Variants in TPO observed in about 807,000 individuals in gnomAD.
The protein encoded by TPO is thyroid microsomal antigen.
A neutral mutation model predicts 96.9 loss-of-function variants in TPO; 78 were observed. The ratio of observed to expected loss-of-function variants is 0.81; its 90% CI spans 0.67 to 0.97. The LOEUF (loss-of-function observed/expected upper bound fraction) is 0.97. TPO is among the 50% of genes least tolerant of loss of function. The pLI, the probability that TPO is intolerant of heterozygous loss-of-function variation, is 0.00. For synonymous variants in TPO, 547 were observed against 538.0 expected, an observed-to-expected ratio of 1.02 and a Z score of -0.23; for missense variants, 1,252 against 1,274.8, an observed-to-expected ratio of 0.98 and a Z score of 0.27.
intron 1 of TPO, among the ~76,000 whole-genome samples, chr2:1,405,267 TTA>T (rs1662232966): frequency 6.7e-6 from 1 of 149,412 alleles, no homozygotes; most frequent in Non-Finnish European, 1.5e-5. Context: ...CACCCACCCA[TTA>T]ATCACTCACA....
chr2:1,537,527 G>C (rs1358598675), intron 15 of TPO, among the ~76,000 whole-genome samples: 388 of 15,056 alleles, frequency 0.026, 2 homozygotes, highest in African/African-American at 0.029. Flanking sequence ...TGCAACCTCC[G>C]CCTATCCCCC....
chr2:1,479,204 AG>A (rs1670302766), intron 8 of TPO, among the ~76,000 whole-genome samples: 1 of 152,220 alleles, frequency 6.6e-6, no homozygotes, highest in Admixed American at 6.5e-5. Context: ...GTGGGGAGGC[AG>A]GTCCCAGACG....
intron 1 of TPO, among the ~76,000 whole-genome samples, chr2:1,391,400 C>T (rs549523303): frequency 6.6e-6 from 1 of 152,282 alleles, no homozygotes; most frequent in South Asian, 2.1e-4. Flanking sequence ...AAGTACCATG[C>T]TGTTTTGGTT....
At chr2:1,457,814 G>T (rs555882867) in intron 7 of TPO, among the ~76,000 whole-genome samples, 47 of 152,206 alleles carry the variant, frequency 3.1e-4, no homozygotes, top group African/African-American at 1.1e-3. Flanking sequence ...GTATGATATT[G>T]TGTGGTCGTG....
At chr2:1,537,146 C>CA (rs1679919652) in intron 15 of TPO, among the ~76,000 whole-genome samples, 1 of 120,388 alleles carries the variant, frequency 8.3e-6, no homozygotes. Flanking sequence ...CGCAAATACC[C>CA]CCACTCTGTG....
chr2:1,477,476 A>G lies in TPO; in HGVS notation c.1210A>G (p.Thr404Ala), dbSNP rs1327302975. 1 of 1,529,086 alleles carries G rather than the reference A, an allele frequency of 6.5e-7. No homozygotes were observed. Among genetic ancestry groups the G allele is most frequent in the Non-Finnish European group, 8.7e-7 (1 of 1,143,484 alleles). The allele number at this position is 1,529,086 out of a possible 1,614,324, so 94.7% of individuals were successfully genotyped here. ...DGRASEVPSL[T>A]ALHTLWLREH... ...CCGCGCCAGCGAGGTCCCCTCCCTG[A>G]CGGCACTGCACACGCTGTGGCTGCG... Residue 404 changes from threonine to alanine, a missense_variant, in exon 8 of 17, where the codon ACG becomes GCG. Thr to Ala is a moderately conservative substitution (Grantham distance 58). Transcript: ENST00000329066.
chr2:1,472,748 G>T, intron 7 of TPO, among the ~76,000 whole-genome samples: 1 of 138,542 alleles, frequency 7.2e-6, no homozygotes, highest in Admixed American at 8.0e-5. Flanking sequence ...CAACGACTGA[G>T]TGTACCCCTT....
chr2:1,432,273 A>G (rs1337120374), intron 3 of TPO, among the ~76,000 whole-genome samples: 6 of 152,268 alleles, frequency 3.9e-5, no homozygotes, highest in Non-Finnish European at 7.3e-5. Flanking sequence ...TCCATTCTGC[A>G]GGTGCCTGGA....
At chr2:1,437,658 C>A (rs73170218) in intron 5 of TPO, among the ~76,000 whole-genome samples, 3,743 of 152,314 alleles carry the variant, frequency 0.025, 160 homozygotes, top group African/African-American at 0.084. Flanking sequence ...TGTTTCAATT[C>A]TTTGAGCTGT....
chr2:1,477,521 G>A lies in TPO; in HGVS notation c.1255G>A (p.Ala419Thr), dbSNP rs1310423030. The change falls in exon 8 of 17, where the codon GCG (alanine) becomes ACG (threonine). Residue 419 changes from alanine to threonine, a missense_variant. By Grantham distance (58) the Ala-to-Thr change is moderately conservative. Coordinates refer to ENST00000329066, the MANE Select transcript of TPO (RefSeq NM_001206744.2). Reference protein sequence around the residue: ...LWLREHNRLAAALKALNAHWS... With the variant: ...LWLREHNRLATALKALNAHWS... ...GCTGCGCGAGCACAACCGCCTGGCC[G>A]CGGCGCTCAAGGCCCTCAATGCGCA... The A allele has an allele frequency of 2.0e-6, 3 of 1,532,878 alleles. No individual in the cohort carries two copies. Among genetic ancestry groups the A allele is most frequent in the Admixed American group, 2.0e-5 (1 of 50,836 alleles). 95.0% of individuals were successfully genotyped at this position (1,532,878 alleles called of 1,614,324 possible).
intron 14 of TPO, among the ~76,000 whole-genome samples, chr2:1,504,352 A>G (rs759048503): frequency 6.6e-6 from 1 of 152,142 alleles, no homozygotes; most frequent in Non-Finnish European, 1.5e-5. Context: ...CCACAGGTGT[A>G]TACCCAGCCT....
chr2:1,521,393 G>C (rs537010569), intron 15 of TPO, among the ~76,000 whole-genome samples: 1 of 152,228 alleles, frequency 6.6e-6, no homozygotes, highest in East Asian at 1.9e-4. Flanking sequence ...AGGCCAGCTG[G>C]GACTAGGCCG....
chr2:1,449,120 C>T (rs1667098351), intron 5 of TPO, among the ~76,000 whole-genome samples: 1 of 152,176 alleles, frequency 6.6e-6, no homozygotes, highest in African/African-American at 2.4e-5. Flanking sequence ...ACGATCAGGT[C>T]TGAAAGGAAA....
chr2:1,470,983 G>T (rs528416964), intron 7 of TPO, among the ~76,000 whole-genome samples: 5 of 152,282 alleles, frequency 3.3e-5, no homozygotes, highest in Non-Finnish European at 4.4e-5. Flanking sequence ...TTTATTCTTG[G>T]ATTGAATTTG....
intron 5 of TPO, among the ~76,000 whole-genome samples, chr2:1,444,378 CCTT>C (rs1666544627): frequency 6.6e-6 from 1 of 150,980 alleles, no homozygotes; most frequent in Non-Finnish European, 1.5e-5. Context: ...GGAGCTGGCT[CCTT>C]CTTGTTTGTA....
intron 7 of TPO, among the ~76,000 whole-genome samples, chr2:1,471,508 A>C (rs999268317): frequency 6.6e-6 from 1 of 152,030 alleles, no homozygotes; most frequent in African/African-American, 2.4e-5. Context: ...TTTAATTCAA[A>C]TAAGAATTTC....
chr2:1,536,926 T>A (rs1166565607), intron 15 of TPO, among the ~76,000 whole-genome samples: 4 of 63,260 alleles, frequency 6.3e-5, no homozygotes, highest in African/African-American at 2.1e-4. Flanking sequence ...ACCTCCCAAA[T>A]CCCCCCCAAT....
At chr2:1,473,620 T>C (rs992541315) in intron 7 of TPO, among the ~76,000 whole-genome samples, 12 of 152,228 alleles carry the variant, frequency 7.9e-5, no homozygotes, top group African/African-American at 2.9e-4. Flanking sequence ...TGAAATTGCA[T>C]TTAATTTATA....
intron 1 of TPO, chr2:1,374,441 G>C (rs1400227303): frequency 1.3e-5 from 2 of 152,122 alleles, no homozygotes; most frequent in African/African-American, 4.8e-5. Flanking sequence ...TTTACTGAAC[G>C]GGCTGAATTT....
Sources: gnomAD v4.1 joint callset for allele counts (sites outside exome capture counted in the v4.1 genomes callset) on GRCh38, gnomAD v4.1.1 for gene constraint, MANE v1.5 for transcripts, NCBI Gene and HGNC (gene_info 2026-07-23, HGNC 2026-07-21) for gene names.